Variants in TG observed in about 807,000 individuals in gnomAD.
TG encodes the protein thyroglobulin.
Under a neutral mutation model 324.7 loss-of-function variants are expected in TG, and 270 were observed. That is an observed-to-expected ratio of 0.83 (90% confidence interval 0.75 to 0.92). The LOEUF is 0.92. TG is among the 40% of genes least tolerant of loss of function. The probability of loss-of-function intolerance (pLI) is 0.00; values close to 1 mark genes in which losing one functional copy is unlikely to be tolerated. For synonymous variants in TG, 1,401 were observed against 1,327.0 expected (o/e 1.06, Z -1.21); for missense variants, 3,591 against 3,456.4 (o/e 1.04, Z -0.98).
intron 41 of TG, chr8:133,087,983 A>C (rs1846871675): frequency 6.6e-6 from 1 of 152,242 alleles, no homozygotes; most frequent in Admixed American, 6.5e-5. Context: ...TCTTGGAATG[A>C]AGTGGGCCGT....
intron 33 of TG, chr8:132,972,394 C>G (rs975606032): frequency 1.4e-5 from 9 of 623,010 alleles, no homozygotes; most frequent in East Asian, 2.8e-5. Flanking sequence ...ATAAGTAGCT[C>G]TATCCCTTTG....
At chr8:132,998,503 G>A (rs1833106666) in intron 35 of TG, among the ~76,000 whole-genome samples, 1 of 152,214 alleles carries the variant, frequency 6.6e-6, no homozygotes, top group Admixed American at 6.5e-5. Context: ...GGGAAAGAGA[G>A]CCCATTGGGT....
At chr8:133,026,854 C>T (rs924283144) in intron 40 of TG, among the ~76,000 whole-genome samples, 8 of 152,200 alleles carry the variant, frequency 5.3e-5, no homozygotes, top group Non-Finnish European at 7.4e-5. Flanking sequence ...AGCAACATAA[C>T]GTTAGAACCT....
chr8:132,877,745 T>C (rs925969877), intron 5 of TG, among the ~76,000 whole-genome samples: 3 of 152,224 alleles, frequency 2.0e-5, no homozygotes, highest in African/African-American at 7.2e-5. Flanking sequence ...GATTCTTCTA[T>C]GGCCACCCTG....
At chr8:132,952,182 A>G (rs1446325486) in intron 27 of TG, among the ~76,000 whole-genome samples, 1 of 152,188 alleles carries the variant, frequency 6.6e-6, no homozygotes, top group African/African-American at 2.4e-5. Context: ...AGTGAGGATG[A>G]TGGTGGACTC....
chr8:133,115,811 T>C (rs1245256485), intron 44 of TG, among the ~76,000 whole-genome samples: 2 of 152,236 alleles, frequency 1.3e-5, no homozygotes, highest in Non-Finnish European at 2.9e-5. Flanking sequence ...AGCCTGTGCG[T>C]CAGCACACGC....
Position 133,131,854 on chromosome 8 carries a change from C to A in TG, c.7905C>A (p.Pro2635=). 6.2e-7 allele frequency: 1 copy of A among 1,614,174 alleles called. No homozygotes were observed. Among genetic ancestry groups the A allele is most frequent in the South Asian group, 1.1e-5 (1 of 91,084 alleles). ...ATGTTCAGTTTGCCTTGGGGCTTCCCTTCTACCCAGCCTACGAGGGGCAGT... is the reference window on the plus strand; with the variant it reads ...ATGTTCAGTTTGCCTTGGGGCTTCCATTCTACCCAGCCTACGAGGGGCAGT... ...LADVQFALGL[P]FYPAYEGQFS... is the part of the protein sequence containing the mutation. The change falls in exon 46 of 48, where the codon CCC becomes CCA. Residue 2635 remains proline, a synonymous_variant. Transcript: ENST00000220616.
intron 31 of TG, among the ~76,000 whole-genome samples, chr8:132,968,223 T>C (rs901409852): frequency 3.3e-5 from 5 of 152,166 alleles, no homozygotes; most frequent in African/African-American, 1.2e-4. Flanking sequence ...AAGTGGGCTT[T>C]AAAAAAATAA....
At chr8:132,892,798 T>A (rs1816421977) in intron 10 of TG, among the ~76,000 whole-genome samples, 1 of 150,008 alleles carries the variant, frequency 6.7e-6, no homozygotes, top group South Asian at 2.1e-4. Context: ...TGTGTATGAG[T>A]GTGGTGTGTG....
intron 20 of TG, 93 bp from the exon 21 acceptor site, chr8:132,919,283 G>A: frequency 7.4e-7 from 1 of 1,347,652 alleles, no homozygotes; most frequent in South Asian, 1.2e-5. Flanking sequence ...CTCTTGAACT[G>A]GTTTGAGGAT....
At chr8:133,114,191 G>T (rs1470917917) in intron 44 of TG, among the ~76,000 whole-genome samples, 1 of 152,202 alleles carries the variant, frequency 6.6e-6, no homozygotes, top group South Asian at 2.1e-4. Context: ...CCCCACATAG[G>T]AACAGCCCAA....
intron 41 of TG, among the ~76,000 whole-genome samples, chr8:133,046,814 T>C (rs1839501676): frequency 6.6e-6 from 1 of 152,200 alleles, no homozygotes; most frequent in Non-Finnish European, 1.5e-5. Flanking sequence ...TTTTTTTAAA[T>C]CATATATATG....
intron 41 of TG, among the ~76,000 whole-genome samples, chr8:133,092,180 G>A (rs1847659671): frequency 6.6e-6 from 1 of 152,112 alleles, no homozygotes; most frequent in African/African-American, 2.4e-5. Flanking sequence ...CTCCTTGATT[G>A]CGTGAGTGTG....
At chr8:132,985,901 A>G (rs982941139) in intron 35 of TG, among the ~76,000 whole-genome samples, 2 of 151,240 alleles carry the variant, frequency 1.3e-5, no homozygotes, top group Non-Finnish European at 2.9e-5. Context: ...TTTTTTTGTT[A>G]TCTTTGTGGG....
intron 35 of TG, 104 bp downstream of exon 35, chr8:132,983,516 C>A: frequency 1.7e-6 from 2 of 1,146,086 alleles, no homozygotes; most frequent in Non-Finnish European, 2.6e-6. Flanking sequence ...GCTTGCATAT[C>A]ACTCGCATTA....
chr8:133,121,315 A>AT (rs1312229374), intron 45 of TG, among the ~76,000 whole-genome samples: 2 of 152,116 alleles, frequency 1.3e-5, no homozygotes, highest in African/African-American at 2.4e-5. Context: ...GGCAGCGTGG[A>AT]TCCTGAGCCT....
chr8:132,906,061 G>GGACT (rs368937543), intron 16 of TG, among the ~76,000 whole-genome samples: 205 of 152,316 alleles, frequency 1.3e-3, no homozygotes, highest in African/African-American at 4.8e-3. Flanking sequence ...CCAGCAGTGG[G>GGACT]GACTGAGTGG....
rs183333809 is a variant in TG, at chr8:132,906,829, C to T, written c.3776C>T (p.Pro1259Leu). Reference protein sequence around the residue: ...CRQGSWSVFPPGPLICSLESG... With the variant: ...CRQGSWSVFPLGPLICSLESG... Reference sequence around the variant, plus strand: ...CAGGGCTCCTGGAGCGTGTTTCCACCAGGGCCATTGATATGTAGCCTGGAG... The same window carrying T: ...CAGGGCTCCTGGAGCGTGTTTCCACTAGGGCCATTGATATGTAGCCTGGAG... The change falls in exon 17 of 48, where the codon CCA becomes CTA. Residue 1259 changes from proline (P) to leucine (L), a missense_variant. Transcript: ENST00000220616. The T allele has an allele frequency of 2.0e-4, 322 of 1,614,138 alleles. No individual in the cohort carries two copies. Among genetic ancestry groups the T allele is most frequent in the Non-Finnish European group, 2.5e-4 (298 of 1,180,030 alleles).
intron 36 of TG, 141 bp downstream of exon 36, chr8:133,012,176 G>A: frequency 2.3e-6 from 3 of 1,277,324 alleles, no homozygotes; most frequent in Admixed American, 3.9e-5. Flanking sequence ...TGGGGAAGAA[G>A]ACCTGGGTGA....
Sources: allele counts gnomAD v4.1 joint callset (sites outside exome capture counted in the v4.1 genomes callset), GRCh38; gene constraint gnomAD v4.1.1; transcripts MANE v1.5; gene names NCBI Gene and HGNC (gene_info 2026-07-23, HGNC 2026-07-21).